Variants in INTS9 observed in about 807,000 individuals in gnomAD.
INTS9 encodes integrator complex subunit 9.
Under a neutral mutation model 79.7 loss-of-function variants are expected in INTS9, and 55 were observed. The observed-to-expected ratio is 0.69, with a 90% CI of 0.56 to 0.86. INTS9 has a LOEUF of 0.86. INTS9 is among the 40% of genes least tolerant of loss of function. The probability of loss-of-function intolerance (pLI) is 0.00; values close to 1 mark genes in which losing one functional copy is unlikely to be tolerated. For synonymous variants in INTS9, 319 were observed against 325.2 expected (o/e 0.98, Z 0.20); for missense variants, 721 against 831.5 (o/e 0.87, Z 1.64).
chr8:28,785,100 A>C (rs1585347979), intron 11 of INTS9, among the ~76,000 whole-genome samples: 1 of 152,362 alleles, frequency 6.6e-6, no homozygotes, highest in Admixed American at 6.5e-5. Context: ...TAGCAGCAGG[A>C]TCACAGAAAT....
chr8:28,849,992 C>T (rs1190533782), intron 3 of INTS9: 8 of 400,240 alleles, frequency 2.0e-5, no homozygotes, highest in Admixed American at 8.4e-5. Flanking sequence ...GATTTCTACA[C>T]ATGAGCAAAA....
intron 6 of INTS9, among the ~76,000 whole-genome samples, chr8:28,818,372 A>AT (rs1445944910): frequency 6.6e-6 from 1 of 151,274 alleles, no homozygotes; most frequent in African/African-American, 2.4e-5. Flanking sequence ...GGGTTGTTGA[A>AT]TTTTGTCAAA....
Position 28,854,897 on chromosome 8 carries a change from T to C in INTS9, c.137+4539A>G, listed in dbSNP as rs527614310. Among the ~76,000 whole-genome samples the C allele has an allele frequency of 2.0e-3, 307 of 152,316 alleles. 3 individuals are homozygous for C. Among genetic ancestry groups the C allele is most frequent in the African/African-American group, 7.0e-3 (290 of 41,578 alleles). On this transcript the variant is annotated intron_variant, in intron 2 of 16. Transcript: ENST00000521022. ...AGAACATACAGAATTTGGTTTTCTG[T>C]TCTTGTGTTGATTCACCAAGAATAA...
intron 6 of INTS9, among the ~76,000 whole-genome samples, chr8:28,826,159 TTTA>T (rs1806128505): frequency 1.3e-5 from 2 of 152,332 alleles, no homozygotes; most frequent in Admixed American, 1.3e-4. Context: ...TGTTTTGTAT[TTTA>T]TTAATACCCA....
At chr8:28,775,481 G>T (rs1425967593) in intron 14 of INTS9, among the ~76,000 whole-genome samples, 1 of 152,140 alleles carries the variant, frequency 6.6e-6, no homozygotes, top group Non-Finnish European at 1.5e-5. Context: ...GATTACAGAT[G>T]CGTGCCACCA....
chr8:28,817,527 T>C (rs1317360607), intron 6 of INTS9, among the ~76,000 whole-genome samples: 1 of 152,230 alleles, frequency 6.6e-6, no homozygotes, highest in Non-Finnish European at 1.5e-5. Context: ...TCTGTTTTGG[T>C]ACCAGTAACA....
chr8:28,823,286 C>A (rs1805959354), intron 6 of INTS9, among the ~76,000 whole-genome samples: 1 of 152,172 alleles, frequency 6.6e-6, no homozygotes. Flanking sequence ...GAGATGACAT[C>A]CCCATATGGA....
chr8:28,825,959 C>T (rs1350595173), intron 6 of INTS9, among the ~76,000 whole-genome samples: 1 of 152,178 alleles, frequency 6.6e-6, no homozygotes, highest in African/African-American at 2.4e-5. Context: ...CATAAACTTA[C>T]GTTCTACAAT....
At chr8:28,780,506 G>GT in intron 12 of INTS9, 1 of 985,342 alleles carries the variant, frequency 1.0e-6, no homozygotes, top group Non-Finnish European at 1.2e-6. Context: ...TTCCTAACAG[G>GT]TAAAACAACA....
At chr8:28,803,532 G>GC (rs571049914) in intron 8 of INTS9, among the ~76,000 whole-genome samples, 144 of 152,216 alleles carry the variant, frequency 9.5e-4, no homozygotes, top group Non-Finnish European at 1.7e-3. Flanking sequence ...TTTGAAATAA[G>GC]TTTTTTTAAG....
At chr8:28,829,880 GCC>G (rs1016171310) in intron 6 of INTS9, among the ~76,000 whole-genome samples, 1 of 152,080 alleles carries the variant, frequency 6.6e-6, no homozygotes, top group Non-Finnish European at 1.5e-5. Flanking sequence ...TTCCCATATG[GCC>G]ACGATCGCTG....
At position 28,881,752 on chromosome 8, in the gene INTS9, G is replaced by A. The variant is rs1809836118; in HGVS notation, c.9+8122C>T. 2.0e-5 allele frequency among the ~76,000 whole-genome samples: 3 copies of A among 148,248 alleles called. No homozygotes were observed. The East Asian group carries it at 6.3e-4, about 31-fold the overall frequency. On this transcript the variant is annotated intron_variant, in intron 1 of 16. Transcript: ENST00000521022. The stretch of plus-strand genomic sequence containing the variant: ...CCGGCCGCCCCGTCCGGGAGGTGAG[G>A]GGCGCCTCTGCCCGGCCGCCCCTAC...
At chr8:28,774,277 C>A (rs1802740209) in intron 14 of INTS9, among the ~76,000 whole-genome samples, 1 of 152,150 alleles carries the variant, frequency 6.6e-6, no homozygotes, top group Admixed American at 6.5e-5. Flanking sequence ...TTGTCTTTAT[C>A]CCTTAGTTAT....
At chr8:28,830,098 T>C (rs1314166254) in intron 6 of INTS9, among the ~76,000 whole-genome samples, 2 of 151,484 alleles carry the variant, frequency 1.3e-5, no homozygotes, top group African/African-American at 4.8e-5. Context: ...AGATAGAGGC[T>C]ATATAATGGG....
At chr8:28,827,312 C>T (rs1010465321) in intron 6 of INTS9, among the ~76,000 whole-genome samples, 9 of 152,198 alleles carry the variant, frequency 5.9e-5, no homozygotes, top group African/African-American at 9.7e-5. Flanking sequence ...CAAAGCTCTG[C>T]GGCCTCTTCC....
intron 10 of INTS9, among the ~76,000 whole-genome samples, chr8:28,791,639 G>A (rs1031820865): frequency 6.6e-6 from 1 of 152,196 alleles, no homozygotes; most frequent in African/African-American, 2.4e-5. Flanking sequence ...GTGGGTATGT[G>A]TGTATATATT....
At chr8:28,831,721 C>G (rs1044453246) in intron 6 of INTS9, among the ~76,000 whole-genome samples, 2 of 152,020 alleles carry the variant, frequency 1.3e-5, no homozygotes, top group African/African-American at 2.4e-5. Flanking sequence ...TTTTTTTAGA[C>G]AGAGTCTCGC....
At chr8:28,838,100 G>C (rs935204509) in intron 4 of INTS9, among the ~76,000 whole-genome samples, 2 of 151,910 alleles carry the variant, frequency 1.3e-5, no homozygotes, top group African/African-American at 4.8e-5. Flanking sequence ...AGTGAAACCA[G>C]GAAACTGCAA....
chr8:28,860,030 G>A (rs1388657397), intron 1 of INTS9, among the ~76,000 whole-genome samples: 1 of 152,124 alleles, frequency 6.6e-6, no homozygotes, highest in East Asian at 1.9e-4. Flanking sequence ...GGTTAGAAAG[G>A]TTAACTAACA....
Sources: gnomAD v4.1 joint callset for allele counts (sites outside exome capture counted in the v4.1 genomes callset) on GRCh38, gnomAD v4.1.1 for gene constraint, MANE v1.5 for transcripts, NCBI Gene and HGNC (gene_info 2026-07-23, HGNC 2026-07-21) for gene names.